Variants in PRKAR2A observed in about 807,000 individuals in gnomAD.
PRKAR2A encodes the protein cAMP-dependent protein kinase type II-alpha regulatory subunit.
PRKAR2A carries 29 observed loss-of-function variants against 51.9 expected under a neutral mutation model. The observed-to-expected ratio is 0.56, with a 90% CI of 0.42 to 0.76. PRKAR2A has a LOEUF of 0.76. Among genes scored for constraint, PRKAR2A ranks in the 30% least tolerant of loss-of-function variants. The pLI is 0.00. For synonymous variants in PRKAR2A, 178 were observed against 186.2 expected (o/e 0.96, Z 0.36); for missense variants, 445 against 512.1 (o/e 0.87, Z 1.26).
In PRKAR2A at chr3:48,800,531, T is replaced by TACAC. The variant is rs534797511; in HGVS notation, c.299-6486_299-6483dup. Reference sequence around the variant, plus strand: ...CGTCTCAAAAAAAAAAAAAACTATATACACACACACACACACACACACTAA... The same window carrying TACAC: ...CGTCTCAAAAAAAAAAAAAACTATATACACACACACACACACACACACACACTAA... On this transcript the variant is annotated intron_variant, in intron 2 of 10. Transcript: ENST00000265563. 1.5e-3 allele frequency among the ~76,000 whole-genome samples: 223 copies of TACAC among 148,212 alleles called. 3 individuals are homozygous for TACAC. Among genetic ancestry groups the TACAC allele is most frequent in the Admixed American group, 9.0e-3 (134 of 14,860 alleles).
chr3:48,809,741 C>T (rs2082742059), intron 1 of PRKAR2A, among the ~76,000 whole-genome samples: 1 of 151,578 alleles, frequency 6.6e-6, no homozygotes, highest in South Asian at 2.1e-4. Flanking sequence ...CTCATTCAAT[C>T]TATAAATAAG....
chr3:48,799,974 C>T (rs1215783104), intron 2 of PRKAR2A, among the ~76,000 whole-genome samples: 1 of 151,996 alleles, frequency 6.6e-6, no homozygotes, highest in Non-Finnish European at 1.5e-5. Flanking sequence ...ATTCTCCTGC[C>T]TCAGCCTCCC....
chr3:48,754,256 A>T (rs1434863818), intron 9 of PRKAR2A, among the ~76,000 whole-genome samples: 6 of 119,276 alleles, frequency 5.0e-5, no homozygotes, highest in African/African-American at 6.4e-5. Flanking sequence ...TTTTTTTTTG[A>T]GACAGAGTTT....
At chr3:48,768,241 G>A (rs954128380) in intron 6 of PRKAR2A, among the ~76,000 whole-genome samples, 2 of 151,556 alleles carry the variant, frequency 1.3e-5, no homozygotes, top group African/African-American at 4.9e-5. Flanking sequence ...TTGCAGTGAG[G>A]TGTGAGAGCA....
rs547578619 is a variant in PRKAR2A at position 48,764,494 on chromosome 3, G to A, written c.873+510C>T. On this transcript the variant is annotated intron_variant, in intron 8 of 10. Coordinates refer to ENST00000265563, the MANE Select transcript of PRKAR2A (RefSeq NM_004157.4). ...CAAACACTAGAAGCCAAGGAAAGGT[G>A]AGAGGAAGCAAGAGATCTGCACGTG... 9.9e-5 allele frequency among the ~76,000 whole-genome samples: 15 copies of A among 152,216 alleles called. No individual in the cohort carries two copies. In the South Asian group the frequency reaches 2.9e-3, roughly 29 times the overall value.
At chr3:48,793,441 CGTT>C (rs1390014999) in intron 3 of PRKAR2A, among the ~76,000 whole-genome samples, 4 of 152,180 alleles carry the variant, frequency 2.6e-5, no homozygotes, top group East Asian at 1.9e-4. Flanking sequence ...TTGTTGTTGT[CGTT>C]GTTATTTTAA....
At chr3:48,813,133 G>A (rs754397717) in intron 1 of PRKAR2A, among the ~76,000 whole-genome samples, 4 of 151,474 alleles carry the variant, frequency 2.6e-5, no homozygotes, top group African/African-American at 7.3e-5. Context: ...GAAGTTGTCC[G>A]CCGGGCATAG....
chr3:48,765,885 A>C (rs903717133), intron 6 of PRKAR2A, among the ~76,000 whole-genome samples: 5 of 152,124 alleles, frequency 3.3e-5, no homozygotes, highest in Admixed American at 2.6e-4. Context: ...TTACCCTAAA[A>C]AAGTTTACAA....
At chr3:48,813,941 T>A (rs1212596426) in intron 1 of PRKAR2A, among the ~76,000 whole-genome samples, 2 of 151,994 alleles carry the variant, frequency 1.3e-5, no homozygotes, top group East Asian at 3.9e-4. Flanking sequence ...CTGGCCAACA[T>A]GGCGAAACCC....
At chr3:48,836,209 G>A (rs1160684352) in intron 1 of PRKAR2A, among the ~76,000 whole-genome samples, 1 of 151,172 alleles carries the variant, frequency 6.6e-6, no homozygotes, top group Non-Finnish European at 1.5e-5. Flanking sequence ...CACGAGGTCA[G>A]GAGTTCAAGA....
At chr3:48,803,549 T>C (rs1373715443) in intron 2 of PRKAR2A, among the ~76,000 whole-genome samples, 2 of 152,146 alleles carry the variant, frequency 1.3e-5, no homozygotes, top group East Asian at 3.9e-4. Flanking sequence ...CTCAGCCTCC[T>C]GAGTAGCTGG....
chr3:48,833,738 G>A (rs2083233169), intron 1 of PRKAR2A, among the ~76,000 whole-genome samples: 1 of 144,842 alleles, frequency 6.9e-6, no homozygotes, highest in African/African-American at 2.5e-5. Context: ...AAGAAAGAAA[G>A]AAAATTGTTT....
At chr3:48,833,647 T>C (rs1033320341) in intron 1 of PRKAR2A, among the ~76,000 whole-genome samples, 4 of 146,724 alleles carry the variant, frequency 2.7e-5, no homozygotes, top group African/African-American at 1.0e-4. Context: ...GAGGCGGAGG[T>C]TGTGGTGAGC....
intron 4 of PRKAR2A, among the ~76,000 whole-genome samples, chr3:48,788,690 G>A (rs2082334398): frequency 6.6e-6 from 1 of 152,064 alleles, no homozygotes; most frequent in Non-Finnish European, 1.5e-5. Flanking sequence ...AACCCTGAGA[G>A]CTCCCTCCCT....
chr3:48,811,045 G>A (rs1043902796), intron 1 of PRKAR2A, among the ~76,000 whole-genome samples: 5 of 152,064 alleles, frequency 3.3e-5, no homozygotes, highest in Admixed American at 6.5e-5. Flanking sequence ...CAGGCGAGGT[G>A]GCATGCACTT....
chr3:48,762,219 G>C lies in PRKAR2A; in HGVS notation c.873+2785C>G, dbSNP rs1416470018. Reference sequence around the variant, plus strand: ...AGATGGCTTGAGCTCAGGAGTTCGAGACCAGGCTGGGCAATATAGCAAGAC... The same window carrying C: ...AGATGGCTTGAGCTCAGGAGTTCGACACCAGGCTGGGCAATATAGCAAGAC... On this transcript the variant is annotated intron_variant, in intron 8 of 10. Transcript: ENST00000265563. Among the ~76,000 whole-genome samples the C allele has an allele frequency of 2.6e-5, 4 of 152,128 alleles. No individual in the cohort carries two copies. In the East Asian group the frequency reaches 7.8e-4, roughly 29 times the overall value.
intron 10 of PRKAR2A, 41 bp downstream of exon 10, chr3:48,752,133 CAT>C: frequency 1.3e-6 from 2 of 1,590,510 alleles, no homozygotes; most frequent in Non-Finnish European, 1.7e-6. Flanking sequence ...AAAAATATTA[CAT>C]GTTAGAAAAA....
In PRKAR2A at chr3:48,847,662, C is replaced by A; in HGVS notation, c.-66G>T. The A allele has an allele frequency of 7.3e-7, 1 of 1,377,582 alleles. No individual in the cohort carries two copies. The highest frequency in any genetic ancestry group is 9.4e-7 in the Non-Finnish European group (1 of 1,068,954). The allele number at this position is 1,377,582 out of a possible 1,614,324, so 85.3% of individuals were successfully genotyped here. A position where few individuals can be genotyped will look rare whatever the true frequency, so the allele number is the denominator to read the frequency against. ...CGGCCACTGTCTCCGCGCTCACTCA[C>A]GCCGGCCTTTCGCTCCGCGCCCGCG... On this transcript the variant is annotated 5_prime_UTR_variant, in exon 1 of 11. Coordinates refer to ENST00000265563, the MANE Select transcript of PRKAR2A (RefSeq NM_004157.4). This position sits in a 1 kb window ranked among gnomAD's most constrained non-coding sequence, Gnocchi z 4.4.
rs1022127809 is a variant in PRKAR2A at position 48,747,716 on chromosome 3, C to T, written c.*3869G>A. Reference sequence around the variant, plus strand: ...TAAGCTGGGGGCCAAAAGGAAGGCTCTCAGGAATATTCTCTACCATCCAAA... The same window carrying T: ...TAAGCTGGGGGCCAAAAGGAAGGCTTTCAGGAATATTCTCTACCATCCAAA... On this transcript the variant is annotated 3_prime_UTR_variant, in exon 11 of 11. Coordinates refer to ENST00000265563, the MANE Select transcript of PRKAR2A (RefSeq NM_004157.4). 1 of 152,182 alleles carries T rather than the reference C, an allele frequency of 6.6e-6. No individual in the cohort carries two copies. The highest frequency in any genetic ancestry group is 1.5e-5 in the Non-Finnish European group (1 of 68,056). 9.4% of individuals were successfully genotyped at this position (152,182 alleles called of 1,614,324 possible).
Sources: allele counts gnomAD v4.1 joint callset (sites outside exome capture counted in the v4.1 genomes callset), GRCh38; gene constraint gnomAD v4.1.1; non-coding constraint Gnocchi (gnomAD v3.1); transcripts MANE v1.5; gene names NCBI Gene and HGNC (gene_info 2026-07-23, HGNC 2026-07-21).